GRB2: variants seen among roughly 807,000 people sequenced by gnomAD.
GRB2 encodes the protein growth factor receptor-bound protein 2.
A neutral mutation model predicts 27.4 loss-of-function variants in GRB2; 2 were observed. The ratio of observed to expected loss-of-function variants is 0.07; its 90% CI spans 0.03 to 0.23. The LOEUF (loss-of-function observed/expected upper bound fraction) is 0.23, where lower values mean the gene tolerates loss of function less well. Ranked by LOEUF, GRB2 falls within the 10% of genes least tolerant of loss-of-function variation. GRB2 has a pLI of 1.00. For missense variants in GRB2, 102 were observed against 282.4 expected (o/e 0.36, Z 4.58); for synonymous variants, 94 against 99.6 (o/e 0.94, Z 0.33).
At chr17:75,376,026 GAAAAAA>G (rs58559493) in intron 2 of GRB2, among the ~76,000 whole-genome samples, 31 of 65,388 alleles carry the variant, frequency 4.7e-4, no homozygotes, top group Admixed American at 6.7e-4. Flanking sequence ...CTCCGTCTCA[GAAAAAA>G]AAAAAAAAAA....
intron 2 of GRB2, among the ~76,000 whole-genome samples, chr17:75,347,481 C>T (rs1156435511): frequency 2.0e-5 from 3 of 152,258 alleles, no homozygotes; most frequent in African/African-American, 4.8e-5. Flanking sequence ...GCATGCATGC[C>T]CCTGTTCTGA....
chr17:75,345,821 C>T (rs1193573579), intron 2 of GRB2, among the ~76,000 whole-genome samples: 1 of 151,914 alleles, frequency 6.6e-6, no homozygotes, highest in Non-Finnish European at 1.5e-5. Flanking sequence ...AACACAGGGA[C>T]CTAAACTAGT....
At chr17:75,385,491 T>G (rs759220529) in intron 2 of GRB2, among the ~76,000 whole-genome samples, 1 of 152,128 alleles carries the variant, frequency 6.6e-6, no homozygotes, top group Non-Finnish European at 1.5e-5. Context: ...GAGCTGAGAT[T>G]GTGCCATTGC....
intron 2 of GRB2, among the ~76,000 whole-genome samples, chr17:75,385,919 T>C (rs973052143): frequency 6.6e-6 from 1 of 152,138 alleles, no homozygotes; most frequent in Non-Finnish European, 1.5e-5. Context: ...CCCCACTAAT[T>C]GGTTTTGCTT....
intron 2 of GRB2, among the ~76,000 whole-genome samples, chr17:75,335,285 C>T (rs981368699): frequency 2.0e-5 from 3 of 152,102 alleles, no homozygotes; most frequent in South Asian, 2.1e-4. Context: ...GTGAATACAA[C>T]CCCAAAATGG....
At chr17:75,330,824 C>G (rs896250289) in intron 3 of GRB2, among the ~76,000 whole-genome samples, 2 of 152,126 alleles carry the variant, frequency 1.3e-5, no homozygotes, top group Non-Finnish European at 2.9e-5. Flanking sequence ...GGCTCCCATC[C>G]ATATGCATTT....
rs536353031 is a variant in GRB2 at position 75,391,193 on chromosome 17, C to T, written c.78+2358G>A. Among the ~76,000 whole-genome samples the T allele has an allele frequency of 5.9e-5, 9 of 152,142 alleles. No homozygotes were observed. In the South Asian group the frequency reaches 8.3e-4, roughly 14 times the overall value. ...ATTACCAACAAACAGCTAATGGCCA[C>T]CGTTCAAAAGCAATAATGGCATTAT... On this transcript the variant is annotated intron_variant, in intron 2 of 5. Coordinates refer to ENST00000316804, the MANE Select transcript of GRB2 (RefSeq NM_002086.5).
At chr17:75,377,244 C>A (rs187395064) in intron 2 of GRB2, among the ~76,000 whole-genome samples, 1 of 152,088 alleles carries the variant, frequency 6.6e-6, no homozygotes, top group East Asian at 1.9e-4. Flanking sequence ...TCACTTGAGC[C>A]CAGGAGTTCG....
chr17:75,332,027 G>T (rs1447582555), intron 3 of GRB2, among the ~76,000 whole-genome samples: 1 of 152,104 alleles, frequency 6.6e-6, no homozygotes, highest in African/African-American at 2.4e-5. Context: ...TGACACACTT[G>T]TAAGGCAAGC....
chr17:75,338,570 A>G (rs1005961538), intron 2 of GRB2, among the ~76,000 whole-genome samples: 1 of 152,144 alleles, frequency 6.6e-6, no homozygotes, highest in African/African-American at 2.4e-5. Context: ...TATTCCCTCG[A>G]GTTATGACTT....
At chr17:75,383,283 A>G (rs2078941613) in intron 2 of GRB2, among the ~76,000 whole-genome samples, 1 of 152,112 alleles carries the variant, frequency 6.6e-6, no homozygotes, top group African/African-American at 2.4e-5. Context: ...GTATCCATCT[A>G]TTTGCTATAG....
At chr17:75,330,035 G>A (rs1010642354) in intron 3 of GRB2, among the ~76,000 whole-genome samples, 3 of 151,966 alleles carry the variant, frequency 2.0e-5, no homozygotes, top group African/African-American at 7.3e-5. Flanking sequence ...GTGCAGTGGC[G>A]TGATCTTGGC....
At chr17:75,345,786 T>C (rs1159338581) in intron 2 of GRB2, among the ~76,000 whole-genome samples, 12 of 151,460 alleles carry the variant, frequency 7.9e-5, no homozygotes, top group African/African-American at 2.7e-4. Flanking sequence ...GGATTCAAGC[T>C]AGTGGACAGG....
intron 2 of GRB2, among the ~76,000 whole-genome samples, chr17:75,379,408 AAAAAAAG>A (rs1479549752): frequency 2.7e-5 from 2 of 74,976 alleles, no homozygotes; most frequent in Non-Finnish European, 4.6e-5. Flanking sequence ...CTTAAAAAAA[AAAAAAAG>A]AAAGACAGGG....
At chr17:75,386,320 T>C (rs2078963611) in intron 2 of GRB2, among the ~76,000 whole-genome samples, 1 of 152,146 alleles carries the variant, frequency 6.6e-6, no homozygotes. Context: ...GATTTCACCA[T>C]GTTGGCCGGG....
At chr17:75,350,699 A>G (rs867488327) in intron 2 of GRB2, among the ~76,000 whole-genome samples, 2 of 152,068 alleles carry the variant, frequency 1.3e-5, no homozygotes, top group Admixed American at 1.3e-4. Flanking sequence ...TCACCGTGTT[A>G]GCCAGGATGG....
intron 2 of GRB2, among the ~76,000 whole-genome samples, chr17:75,390,431 G>A (rs1235795792): frequency 1.3e-5 from 2 of 152,126 alleles, no homozygotes; most frequent in Non-Finnish European, 2.9e-5. Context: ...TCTCAAGCCT[G>A]CCCTACAATG....
intron 2 of GRB2, among the ~76,000 whole-genome samples, chr17:75,384,939 G>A (rs561138805): frequency 2.8e-5 from 4 of 145,284 alleles, no homozygotes; most frequent in African/African-American, 5.2e-5. Flanking sequence ...AGCTCATGTC[G>A]GTAATCCCAG....
intron 2 of GRB2, among the ~76,000 whole-genome samples, chr17:75,354,770 C>T (rs1199661780): frequency 2.6e-5 from 4 of 152,290 alleles, no homozygotes; most frequent in East Asian, 3.9e-4. Flanking sequence ...AGAAAAGACA[C>T]TACGAAATGT....
Sources: allele counts gnomAD v4.1 joint callset (sites outside exome capture counted in the v4.1 genomes callset), GRCh38; gene constraint gnomAD v4.1.1; transcripts MANE v1.5; gene names NCBI Gene and HGNC (gene_info 2026-07-23, HGNC 2026-07-21).